VPS13A: variants seen among roughly 807,000 people sequenced by gnomAD.
The protein encoded by VPS13A is intermembrane lipid transfer protein VPS13A.
VPS13A carries 264 observed loss-of-function variants against 390.9 expected under a neutral mutation model. The ratio of observed to expected loss-of-function variants is 0.68; its 90% CI spans 0.61 to 0.75. The LOEUF is 0.75. Among genes scored for constraint, VPS13A ranks in the 30% least tolerant of loss-of-function variants. The pLI is 0.00. For synonymous variants in VPS13A, 1,231 were observed against 1,227.1 expected (o/e 1.00, Z -0.07); for missense variants, 3,409 against 3,733.9 (o/e 0.91, Z 2.27).
chr9:77,297,766 T>C (rs1378252965), intron 33 of VPS13A, among the ~76,000 whole-genome samples: 4 of 151,996 alleles, frequency 2.6e-5, no homozygotes, highest in Admixed American at 2.0e-4. Context: ...CCCTACCTCA[T>C]TGGGTTGTTG....
chr9:77,303,782 A>ATC (rs1350318273), intron 34 of VPS13A, among the ~76,000 whole-genome samples: 1 of 152,180 alleles, frequency 6.6e-6, no homozygotes, highest in African/African-American at 2.4e-5. Context: ...CCACCCAAAC[A>ATC]TCTCAGTGGA....
At chr9:77,399,909 C>G (rs961834232) in intron 68 of VPS13A, among the ~76,000 whole-genome samples, 2 of 152,076 alleles carry the variant, frequency 1.3e-5, no homozygotes, top group Non-Finnish European at 2.9e-5. Flanking sequence ...TCTATACATT[C>G]TCTTGTAATA....
intron 44 of VPS13A, among the ~76,000 whole-genome samples, chr9:77,322,173 A>C (rs956240639): frequency 1.3e-5 from 2 of 150,558 alleles, no homozygotes; most frequent in African/African-American, 4.9e-5. Flanking sequence ...GCAATTTTTA[A>C]TGGCTTTAGG....
intron 59 of VPS13A, 74 bp downstream of exon 59, chr9:77,360,715 A>G (rs1053947635): frequency 2.6e-6 from 3 of 1,160,552 alleles, no homozygotes; most frequent in African/African-American, 3.1e-5. Flanking sequence ...TAAAGGTATT[A>G]AAATGACTTT....
At chr9:77,258,132 G>A (rs768196331) in intron 22 of VPS13A, among the ~76,000 whole-genome samples, 12 of 152,152 alleles carry the variant, frequency 7.9e-5, no homozygotes, top group Non-Finnish European at 1.6e-4. Flanking sequence ...TTAGACTGTA[G>A]GTAGTCATTT....
intron 34 of VPS13A, among the ~76,000 whole-genome samples, chr9:77,303,399 T>C (rs905603514): frequency 2.0e-5 from 3 of 152,012 alleles, no homozygotes; most frequent in African/African-American, 7.3e-5. Context: ...AAAATAGTTA[T>C]AAATTGTGGT....
At chr9:77,321,026 A>G in intron 42 of VPS13A, 143 bp from the exon 43 acceptor site, 2 of 728,036 alleles carry the variant, frequency 2.7e-6, no homozygotes, top group Non-Finnish European at 4.5e-6. Flanking sequence ...GCTGATGTCC[A>G]AGTAATTTCA....
At chr9:77,262,360 C>G (rs1825806192) in intron 23 of VPS13A, among the ~76,000 whole-genome samples, 1 of 151,844 alleles carries the variant, frequency 6.6e-6, no homozygotes, top group African/African-American at 2.4e-5. Flanking sequence ...ACAGGGGGTT[C>G]TTTACTCATG....
Position 77,419,365 on chromosome 9 carries a change from G to A in VPS13A, c.*3359G>A, listed in dbSNP as rs1332132083. ...GTTTCAGCTAAATATTCTATTTACT[G>A]TGTATACTGGGTCACAATATAAAGT... On this transcript the variant is annotated 3_prime_UTR_variant, in exon 72 of 72. Transcript: ENST00000360280. 6.6e-6 allele frequency: 1 copy of A among 152,154 alleles called. No homozygotes were observed. The highest frequency in any genetic ancestry group is 1.9e-4 in the East Asian group (1 of 5,202). 9.4% of individuals were successfully genotyped at this position (152,154 alleles called of 1,614,324 possible).
Position 77,382,032 on chromosome 9 carries a change from A to G in VPS13A, c.9134A>G (p.Asp3045Gly), listed in dbSNP as rs1304702124. Residue 3045 changes from aspartate (D) to glycine (G), a missense_variant, in exon 68 of 72, where the codon GAT becomes GGT. Coordinates refer to ENST00000360280, the MANE Select transcript of VPS13A (RefSeq NM_033305.3). ...SLRPPRFFNEDGVIRPYRLRD... is the reference protein window; with the variant it reads ...SLRPPRFFNEGGVIRPYRLRD... The stretch of plus-strand genomic sequence containing the variant: ...CGACCTCCTCGGTTCTTCAATGAAG[A>G]TGGAGTTATCAGACCGTACAGGTTG... 5.0e-6 allele frequency: 8 copies of G among 1,609,020 alleles called. No homozygotes were observed. The highest frequency in any genetic ancestry group is 6.8e-6 in the Non-Finnish European group (8 of 1,177,302).
chr9:77,390,089 A>G (rs1053851999), intron 68 of VPS13A: 2 of 985,318 alleles, frequency 2.0e-6, no homozygotes, highest in Non-Finnish European at 2.4e-6. Flanking sequence ...TTACTATAGC[A>G]GTCAGATCAC....
chr9:77,340,165 A>G lies in VPS13A; in HGVS notation c.6775-13A>G, dbSNP rs747538384. The G allele has an allele frequency of 5.0e-6, 8 of 1,608,474 alleles. No homozygotes were observed. Among genetic ancestry groups the G allele is most frequent in the Non-Finnish European group, 6.8e-6 (8 of 1,175,796 alleles). ...ACCTAAATTGTGATGTATTTGGAAT[A>G]TTTTTTTCCTAGGTTCAACTTATGG... On this transcript the variant is annotated splice_polypyrimidine_tract_variant and intron_variant, in intron 48 of 71. Transcript: ENST00000360280.
At chr9:77,406,058 T>C in intron 70 of VPS13A, 71 bp downstream of exon 70, 1 of 1,580,388 alleles carries the variant, frequency 6.3e-7, no homozygotes, top group Non-Finnish European at 8.6e-7. Context: ...CCTTTTTATT[T>C]GTATAATGCT....
At chr9:77,262,238 A>AT (rs920355964) in intron 23 of VPS13A, among the ~76,000 whole-genome samples, 1 of 150,332 alleles carries the variant, frequency 6.7e-6, no homozygotes. Context: ...TACATAGTCA[A>AT]TTTTTTTTTC....
intron 23 of VPS13A, among the ~76,000 whole-genome samples, chr9:77,266,941 G>A (rs111891167): frequency 0.1 from 15,521 of 151,504 alleles, 823 homozygotes; most frequent in Middle Eastern, 0.13. Context: ...CCTTTCTTCC[G>A]CTTGATCGAT....
chr9:77,396,210 A>T (rs1343053221), intron 68 of VPS13A, among the ~76,000 whole-genome samples: 1 of 152,124 alleles, frequency 6.6e-6, no homozygotes, highest in Admixed American at 6.6e-5. Context: ...TTCCTTCTCC[A>T]GGCTTTTGGT....
intron 44 of VPS13A, among the ~76,000 whole-genome samples, chr9:77,321,949 A>G (rs944785877): frequency 6.6e-6 from 1 of 151,894 alleles, no homozygotes; most frequent in Admixed American, 6.6e-5. Flanking sequence ...TTTGTATTCC[A>G]AACTCTTTCT....
intron 10 of VPS13A, 89 bp from the exon 11 acceptor site, chr9:77,219,864 TG>T: frequency 7.3e-7 from 1 of 1,370,746 alleles, no homozygotes; most frequent in Admixed American, 1.7e-5. Context: ...ATAAAATAAA[TG>T]GAAATCAGTG....
In VPS13A at chr9:77,323,227, G is replaced by C. The variant is rs147656207; in HGVS notation, c.5991G>C (p.Gln1997His). The stretch of plus-strand genomic sequence containing the variant: ...AGGTCACAATTCGCTCCCCAGTGCA[G>C]GTATGAAATGATCAATTTTGGGGGA... Reference protein sequence around the residue: ...SKKVTIRSPVQIRNHFSVPLS... With the variant: ...SKKVTIRSPVHIRNHFSVPLS... Residue 1997 changes from glutamine (Q) to histidine (H), a missense_variant and splice_region_variant, in exon 45 of 72, where the codon CAG becomes CAC. This residue lies in a region of VPS13A where 2,717 missense variants were observed against 2,917.4 expected (regional missense o/e 0.93). Transcript: ENST00000360280. 6 of 1,612,874 alleles carry C rather than the reference G, an allele frequency of 3.7e-6. No homozygotes were observed. The highest frequency in any genetic ancestry group is 5.1e-6 in the Non-Finnish European group (6 of 1,179,190).
Sources: allele counts gnomAD v4.1 joint callset (sites outside exome capture counted in the v4.1 genomes callset), GRCh38; gene constraint gnomAD v4.1.1; regional missense constraint gnomAD v4.1.1; transcripts MANE v1.5; gene names NCBI Gene and HGNC (gene_info 2026-07-23, HGNC 2026-07-21).